Variants in ATP13A4 observed in about 807,000 individuals in gnomAD.
ATP13A4 encodes ATPase 13A4.
A neutral mutation model predicts 142.5 loss-of-function variants in ATP13A4; 114 were observed. The ratio of observed to expected loss-of-function variants is 0.80; its 90% CI spans 0.69 to 0.93. The LOEUF is 0.93. Ranked by LOEUF, ATP13A4 falls within the 40% of genes least tolerant of loss-of-function variation. The pLI is 0.00. For missense variants in ATP13A4, 1,392 were observed against 1,454.0 expected (o/e 0.96, Z 0.69); for synonymous variants, 488 against 514.8 (o/e 0.95, Z 0.70).
intron 2 of ATP13A4, among the ~76,000 whole-genome samples, chr3:193,561,853 C>T (rs777204509): frequency 2.6e-5 from 4 of 152,212 alleles, no homozygotes; most frequent in Non-Finnish European, 5.9e-5. Flanking sequence ...TGGGGGCTGT[C>T]ACTGTCTTTT....
intron 1 of ATP13A4, among the ~76,000 whole-genome samples, chr3:193,585,481 G>T (rs1724650579): frequency 8.1e-6 from 1 of 123,174 alleles, no homozygotes; most frequent in Admixed American, 7.9e-5. Flanking sequence ...TTGTTTGTGG[G>T]TTTTTTGCAA....
intron 1 of ATP13A4, among the ~76,000 whole-genome samples, chr3:193,544,482 C>G (rs1245388766): frequency 6.6e-6 from 1 of 152,072 alleles, no homozygotes; most frequent in African/African-American, 2.4e-5. Flanking sequence ...AACAGATAAC[C>G]CTGTCTACCT....
chr3:193,504,003 G>A (rs955943419), intron 2 of ATP13A4, among the ~76,000 whole-genome samples: 3 of 134,620 alleles, frequency 2.2e-5, no homozygotes, highest in African/African-American at 8.8e-5. Context: ...GCATGTGTGT[G>A]TGTGTGTGTG....
chr3:193,474,726 GAA>G (rs1718856899), intron 8 of ATP13A4, among the ~76,000 whole-genome samples: 1 of 116,548 alleles, frequency 8.6e-6, no homozygotes. Context: ...GAGAGAGAAA[GAA>G]AGAGAAAGAA....
intron 2 of ATP13A4, among the ~76,000 whole-genome samples, chr3:193,577,815 A>G (rs1340614312): frequency 6.6e-6 from 1 of 152,218 alleles, no homozygotes; most frequent in East Asian, 1.9e-4. Flanking sequence ...AACATACAGA[A>G]GACTGTATCT....
intron 1 of ATP13A4, among the ~76,000 whole-genome samples, chr3:193,586,121 A>G (rs995060178): frequency 8.4e-5 from 12 of 142,348 alleles, no homozygotes; most frequent in African/African-American, 3.2e-4. Context: ...ACACACATAT[A>G]CACACACACG....
intron 17 of ATP13A4, among the ~76,000 whole-genome samples, chr3:193,450,983 A>G (rs113821797): frequency 1.4e-4 from 21 of 152,246 alleles, no homozygotes; most frequent in African/African-American, 4.8e-4. Flanking sequence ...AGGAAGGCAG[A>G]TATGTTGTCC....
intron 11 of ATP13A4, 93 bp from the exon 12 acceptor site, chr3:193,465,221 C>G: frequency 7.4e-7 from 1 of 1,353,916 alleles, no homozygotes; most frequent in Non-Finnish European, 1.0e-6. Flanking sequence ...GAGTTTTGCT[C>G]TTGTCGCCCA....
intron 8 of ATP13A4, among the ~76,000 whole-genome samples, chr3:193,474,274 G>A (rs1294568343): frequency 3.3e-5 from 4 of 122,382 alleles, no homozygotes; most frequent in Admixed American, 1.2e-4. Context: ...AGCCCAGATC[G>A]CACCACTGCA....
upstream of ATP13A4, among the ~76,000 whole-genome samples, chr3:193,555,913 C>T (rs1055089328): frequency 5.9e-5 from 9 of 152,136 alleles, no homozygotes; most frequent in Non-Finnish European, 1.2e-4. Context: ...CATCTGGTAC[C>T]GCCCGACAGG....
intron 21 of ATP13A4, among the ~76,000 whole-genome samples, chr3:193,439,903 C>A (rs750065359): frequency 6.6e-6 from 1 of 152,032 alleles, no homozygotes. Flanking sequence ...AGAGCAGAAA[C>A]AAGTAGGAGT....
chr3:193,544,168 C>T (rs556944685), intron 1 of ATP13A4, among the ~76,000 whole-genome samples: 1 of 152,270 alleles, frequency 6.6e-6, no homozygotes, highest in East Asian at 1.9e-4. Context: ...GAGATAGTAA[C>T]TGACAAAGGC....
intron 25 of ATP13A4, among the ~76,000 whole-genome samples, chr3:193,422,030 C>A (rs1342222845): frequency 6.7e-6 from 1 of 149,436 alleles, no homozygotes; most frequent in Non-Finnish European, 1.5e-5. Context: ...CAAGACTCAT[C>A]TACATAATGC....
At chr3:193,433,949 T>C (rs1367145968) in intron 24 of ATP13A4, 32 bp from the exon 25 acceptor site, 7 of 1,539,886 alleles carry the variant, frequency 4.5e-6, no homozygotes, top group Middle Eastern at 1.7e-4. Context: ...ATCAAAAAAG[T>C]TGTGACCTTC....
At chr3:193,481,555 T>C (rs568381772) in intron 8 of ATP13A4, among the ~76,000 whole-genome samples, 6 of 152,168 alleles carry the variant, frequency 3.9e-5, no homozygotes, top group Admixed American at 6.5e-5. Context: ...GTATTACAAA[T>C]TATTATTTTT....
chr3:193,448,374 T>C, intron 17 of ATP13A4, 44 bp from the exon 18 acceptor site: 5 of 1,608,186 alleles, frequency 3.1e-6, no homozygotes, highest in Non-Finnish European at 3.4e-6. Context: ...ATAACACATA[T>C]TACAGCTTTT....
intron 1 of ATP13A4, among the ~76,000 whole-genome samples, chr3:193,540,404 A>G (rs961882812): frequency 2.0e-5 from 3 of 151,900 alleles, no homozygotes; most frequent in African/African-American, 7.3e-5. Flanking sequence ...CAACGGAGCC[A>G]CTAATGAAGA....
At chr3:193,502,050 C>T (rs1002991831) in intron 3 of ATP13A4, among the ~76,000 whole-genome samples, 2 of 152,014 alleles carry the variant, frequency 1.3e-5, no homozygotes, top group African/African-American at 4.8e-5. Flanking sequence ...TCACTTGAGC[C>T]CAGGAGTTTG....
At chr3:193,569,568 G>A (rs1039792146) in intron 2 of ATP13A4, among the ~76,000 whole-genome samples, 1 of 151,858 alleles carries the variant, frequency 6.6e-6, no homozygotes, top group African/African-American at 2.4e-5. Context: ...TTTTGAGAGA[G>A]GGTCTCGCTC....
Sources: gnomAD v4.1 joint callset for allele counts (sites outside exome capture counted in the v4.1 genomes callset) on GRCh38, gnomAD v4.1.1 for gene constraint, MANE v1.5 for transcripts, NCBI Gene and HGNC (gene_info 2026-07-23, HGNC 2026-07-21) for gene names.